LHFPL6: variants seen among roughly 807,000 people sequenced by gnomAD.
LHFPL6 encodes the protein LHFPL tetraspan subfamily member 6, also known as LHFPL tetraspan subfamily member 6 protein.
A neutral mutation model predicts 20.6 loss-of-function variants in LHFPL6; 9 were observed. The observed-to-expected ratio is 0.44, with a 90% CI of 0.26 to 0.76. The LOEUF (loss-of-function observed/expected upper bound fraction) is 0.76, where lower values mean the gene tolerates loss of function less well. Among genes scored for constraint, LHFPL6 ranks in the 30% least tolerant of loss-of-function variants. The pLI is 0.20. For synonymous variants in LHFPL6, 105 were observed against 98.7 expected, an observed-to-expected ratio of 1.06 and a Z score of -0.38; for missense variants, 218 against 253.5, an observed-to-expected ratio of 0.86 and a Z score of 0.95.
intron 2 of LHFPL6, among the ~76,000 whole-genome samples, chr13:39,509,527 T>A (rs925441988): frequency 2.6e-5 from 4 of 152,334 alleles, no homozygotes; most frequent in Admixed American, 2.0e-4. Context: ...TGCCTATTTT[T>A]AAATTTGATT....
chr13:39,424,047 G>A (rs1202833645), intron 2 of LHFPL6, among the ~76,000 whole-genome samples: 1 of 152,148 alleles, frequency 6.6e-6, no homozygotes. Flanking sequence ...GAACTCCTAT[G>A]AGCCAGCATA....
intron 2 of LHFPL6, among the ~76,000 whole-genome samples, chr13:39,514,269 C>G (rs183336513): frequency 6.6e-6 from 1 of 152,046 alleles, no homozygotes; most frequent in South Asian, 2.1e-4. Context: ...CAGAGAAGGG[C>G]GGGGTCACAA....
intron 2 of LHFPL6, among the ~76,000 whole-genome samples, chr13:39,447,445 T>G (rs1320462030): frequency 6.6e-6 from 1 of 152,214 alleles, no homozygotes; most frequent in Non-Finnish European, 1.5e-5. Flanking sequence ...TCAGATTCAT[T>G]AAACTCCACC....
intron 2 of LHFPL6, among the ~76,000 whole-genome samples, chr13:39,438,888 T>C (rs1872036605): frequency 6.6e-6 from 1 of 152,194 alleles, no homozygotes; most frequent in South Asian, 2.1e-4. Context: ...AATGTTCAGG[T>C]AGAAGCCTGC....
At chr13:39,406,230 GA>G (rs755147968) in intron 2 of LHFPL6, among the ~76,000 whole-genome samples, 1 of 152,132 alleles carries the variant, frequency 6.6e-6, no homozygotes, top group Non-Finnish European at 1.5e-5. Flanking sequence ...ACCATTTGAG[GA>G]AGAATTGTGT....
At chr13:39,600,295 T>C (rs932209792) in intron 2 of LHFPL6, among the ~76,000 whole-genome samples, 2 of 152,268 alleles carry the variant, frequency 1.3e-5, no homozygotes, top group African/African-American at 4.8e-5. Flanking sequence ...AGTTCATAGT[T>C]GTTATATAAA....
intron 2 of LHFPL6, among the ~76,000 whole-genome samples, chr13:39,465,456 C>T (rs996913754): frequency 4.6e-5 from 7 of 152,130 alleles, no homozygotes; most frequent in African/African-American, 1.7e-4. Flanking sequence ...TATATTCAGA[C>T]ATTTCAAATT....
rs1211000650 is a variant in LHFPL6, at chr13:39,538,453, G to C, written c.385+62379C>G. Among the ~76,000 whole-genome samples, 9 of 148,436 alleles carry C rather than the reference G, an allele frequency of 6.1e-5. No individual in the cohort carries two copies. The Admixed American group carries it at 6.1e-4, about 10-fold the overall frequency. The stretch of plus-strand genomic sequence containing the variant: ...GAATTCAATTGAGATCTAACTTCCA[G>C]TTTAAGTAAATCCGGGTCAGAGAGC... On this transcript the variant is annotated intron_variant, in intron 2 of 3. Transcript: ENST00000379589.
At chr13:39,600,649 T>C (rs1272013826) in intron 2 of LHFPL6, among the ~76,000 whole-genome samples, 183 bp downstream of exon 2, 1 of 152,200 alleles carries the variant, frequency 6.6e-6, no homozygotes, top group African/African-American at 2.4e-5. Context: ...ACTCTTGAAG[T>C]TGTAAAGCAG....
intron 2 of LHFPL6, among the ~76,000 whole-genome samples, chr13:39,479,333 T>TAGGC (rs1868427789): frequency 6.6e-6 from 1 of 152,146 alleles, no homozygotes; most frequent in Non-Finnish European, 1.5e-5. Context: ...GGGAAAACTC[T>TAGGC]AGGCAGAAGT....
At chr13:39,514,295 G>A (rs1377923655) in intron 2 of LHFPL6, among the ~76,000 whole-genome samples, 1 of 152,094 alleles carries the variant, frequency 6.6e-6, no homozygotes. Context: ...AAAGCTCTAA[G>A]TCCAAGGGTC....
intron 2 of LHFPL6, among the ~76,000 whole-genome samples, chr13:39,591,269 G>A (rs1418897643): frequency 6.6e-6 from 1 of 152,166 alleles, no homozygotes; most frequent in African/African-American, 2.4e-5. Flanking sequence ...ATTGTTGCAG[G>A]ACGAAGGAGG....
intron 2 of LHFPL6, among the ~76,000 whole-genome samples, chr13:39,548,563 T>TAA (rs1209296599): frequency 6.6e-6 from 1 of 151,500 alleles, no homozygotes; most frequent in African/African-American, 2.4e-5. Context: ...TTTCTTGGTT[T>TAA]AAAAAAAAAT....
At chr13:39,582,916 C>T (rs1872332189) in intron 2 of LHFPL6, among the ~76,000 whole-genome samples, 1 of 152,122 alleles carries the variant, frequency 6.6e-6, no homozygotes, top group Non-Finnish European at 1.5e-5. Context: ...CAAAATTGAA[C>T]TGGGTTAAAA....
intron 3 of LHFPL6, among the ~76,000 whole-genome samples, chr13:39,368,724 G>C (rs559002426): frequency 1.2e-4 from 18 of 152,218 alleles, no homozygotes; most frequent in African/African-American, 4.1e-4. Flanking sequence ...AAAGAGACAG[G>C]CATCATTAAT....
chr13:39,378,110 C>T (rs1870341014), intron 3 of LHFPL6, among the ~76,000 whole-genome samples: 1 of 152,126 alleles, frequency 6.6e-6, no homozygotes, highest in Non-Finnish European at 1.5e-5. Context: ...GCAAATTCTA[C>T]AGAATTATTT....
chr13:39,376,798 T>C (rs1249853136), intron 3 of LHFPL6, among the ~76,000 whole-genome samples: 1 of 152,238 alleles, frequency 6.6e-6, no homozygotes, highest in Non-Finnish European at 1.5e-5. Flanking sequence ...GTACTAATTA[T>C]GAGAATCTCA....
chr13:39,392,264 C>T (rs1593295914), intron 2 of LHFPL6, among the ~76,000 whole-genome samples: 1 of 152,146 alleles, frequency 6.6e-6, no homozygotes. Flanking sequence ...ATTATCATAA[C>T]CAGCACAGTA....
intron 2 of LHFPL6, among the ~76,000 whole-genome samples, chr13:39,458,903 TTAC>T (rs1872629980): frequency 6.6e-6 from 1 of 152,170 alleles, no homozygotes; most frequent in Non-Finnish European, 1.5e-5. Flanking sequence ...ACTTGAAGAA[TTAC>T]TTTCCAGATG....
Sources: allele counts gnomAD v4.1 joint callset (sites outside exome capture counted in the v4.1 genomes callset), GRCh38; gene constraint gnomAD v4.1.1; transcripts MANE v1.5; gene names NCBI Gene and HGNC (gene_info 2026-07-23, HGNC 2026-07-21).